Variants in LINGO2 observed in about 807,000 individuals in gnomAD.
LINGO2 encodes leucine rich repeat and Ig domain containing 2.
A neutral mutation model predicts 30.6 loss-of-function variants in LINGO2; 14 were observed. The observed-to-expected ratio is 0.46, with a 90% CI of 0.30 to 0.72. The LOEUF (loss-of-function observed/expected upper bound fraction) is 0.72, where lower values mean the gene tolerates loss of function less well. LINGO2 is among the 30% of genes least tolerant of loss of function. The pLI is 0.07. For missense variants in LINGO2, 729 were observed against 751.7 expected, an observed-to-expected ratio of 0.97 and a Z score of 0.35; for synonymous variants, 317 against 288.5, an observed-to-expected ratio of 1.10 and a Z score of -1.00.
At chr9:28,806,714 T>G in the LINGO2 span, among the ~76,000 whole-genome samples, 1 of 152,122 alleles carries the variant, frequency 6.6e-6, no homozygotes, top group South Asian at 2.1e-4. Context: ...GATCTATAAT[T>G]AAAACAATAT....
At chr9:28,021,572 A>G (rs914082585) in intron 4 of LINGO2, among the ~76,000 whole-genome samples, 3 of 152,192 alleles carry the variant, frequency 2.0e-5, no homozygotes, top group East Asian at 3.9e-4. Flanking sequence ...TGATTTACCA[A>G]TTATTGAAAG....
chr9:28,541,428 T>C (rs1821692918), intron 1 of LINGO2, among the ~76,000 whole-genome samples: 1 of 152,144 alleles, frequency 6.6e-6, no homozygotes, highest in South Asian at 2.1e-4. Flanking sequence ...AAAACAATTT[T>C]TAAGAACAAC....
At chr9:28,942,183 T>C in the LINGO2 span, among the ~76,000 whole-genome samples, 8 of 152,184 alleles carry the variant, frequency 5.3e-5, no homozygotes, top group Admixed American at 2.6e-4. Flanking sequence ...CAGACCATAA[T>C]TGGAATATCA....
chr9:29,072,596 A>C, the LINGO2 span, among the ~76,000 whole-genome samples: 1 of 129,918 alleles, frequency 7.7e-6, no homozygotes. Flanking sequence ...GGAGAGATAT[A>C]TATATGTCTC....
intron 4 of LINGO2, among the ~76,000 whole-genome samples, chr9:28,075,367 T>C (rs902886388): frequency 1.3e-5 from 2 of 152,000 alleles, no homozygotes; most frequent in African/African-American, 4.8e-5. Context: ...TTGATAGAAA[T>C]TTGTGTTACT....
At chr9:29,195,789 G>A in the LINGO2 span, among the ~76,000 whole-genome samples, 6 of 152,250 alleles carry the variant, frequency 3.9e-5, no homozygotes, top group East Asian at 1.2e-3. Context: ...ATATGCAAGA[G>A]AATATCAATT....
intron 1 of LINGO2, among the ~76,000 whole-genome samples, chr9:28,544,305 T>C (rs1821835661): frequency 6.6e-6 from 1 of 152,196 alleles, no homozygotes; most frequent in Non-Finnish European, 1.5e-5. Flanking sequence ...TTGCCAGTTC[T>C]GTAATCTGAG....
intron 1 of LINGO2, among the ~76,000 whole-genome samples, chr9:28,589,110 C>G (rs1167046990): frequency 6.6e-6 from 1 of 152,052 alleles, no homozygotes; most frequent in African/African-American, 2.4e-5. Flanking sequence ...ACCCTTCATG[C>G]TAAAAACTCT....
At chr9:28,811,523 T>A in the LINGO2 span, among the ~76,000 whole-genome samples, 3 of 152,166 alleles carry the variant, frequency 2.0e-5, no homozygotes, top group Admixed American at 2.0e-4. Flanking sequence ...CCCTGTATAA[T>A]AATCTGTTCC....
At chr9:29,188,964 C>A in the LINGO2 span, among the ~76,000 whole-genome samples, 1 of 129,278 alleles carries the variant, frequency 7.7e-6, no homozygotes, top group African/African-American at 2.9e-5. Context: ...GGGGGGCTGA[C>A]CCCCCCACCT....
At chr9:28,018,216 A>G (rs1027610288) in intron 4 of LINGO2, among the ~76,000 whole-genome samples, 3 of 152,160 alleles carry the variant, frequency 2.0e-5, no homozygotes, top group African/African-American at 7.2e-5. Context: ...CTCAAGATCA[A>G]TTAAAGACTT....
At chr9:29,154,710 T>C in the LINGO2 span, among the ~76,000 whole-genome samples, 1 of 152,172 alleles carries the variant, frequency 6.6e-6, no homozygotes, top group Admixed American at 6.5e-5. Context: ...TGCTATGGAA[T>C]CCAGGTACCA....
the LINGO2 span, among the ~76,000 whole-genome samples, chr9:28,847,698 T>C: frequency 5.7e-5 from 8 of 141,522 alleles, no homozygotes; most frequent in African/African-American, 1.9e-4. Flanking sequence ...ATCTACATAT[T>C]GACACACTGT....
the LINGO2 span, among the ~76,000 whole-genome samples, chr9:29,029,751 G>A: frequency 6.6e-6 from 1 of 152,088 alleles, no homozygotes; most frequent in Admixed American, 6.6e-5. Context: ...CCAGCAAGTG[G>A]ATTGGGGCAA....
the LINGO2 span, among the ~76,000 whole-genome samples, chr9:28,976,279 A>C: frequency 1.3e-5 from 2 of 152,152 alleles, no homozygotes; most frequent in Non-Finnish European, 2.9e-5. Flanking sequence ...AAGTAACAAC[A>C]TAGAACCCTA....
At chr9:28,481,439 A>C (rs1825959309) in intron 1 of LINGO2, among the ~76,000 whole-genome samples, 1 of 151,834 alleles carries the variant, frequency 6.6e-6, no homozygotes, top group Admixed American at 6.6e-5. Flanking sequence ...TAAATACTTT[A>C]TTTTCCTTTC....
chr9:28,249,733 C>A (rs1822128039), intron 4 of LINGO2, among the ~76,000 whole-genome samples: 1 of 152,090 alleles, frequency 6.6e-6, no homozygotes, highest in Non-Finnish European at 1.5e-5. Flanking sequence ...TTACTGTTCT[C>A]ATTAAAGGAA....
chr9:28,969,260 C>T, the LINGO2 span, among the ~76,000 whole-genome samples: 1 of 151,950 alleles, frequency 6.6e-6, no homozygotes, highest in African/African-American at 2.4e-5. Context: ...CAGCACATCC[C>T]TTATTGAAAA....
the LINGO2 span, among the ~76,000 whole-genome samples, chr9:29,147,958 T>C: frequency 1.3e-5 from 2 of 152,102 alleles, no homozygotes; most frequent in Admixed American, 6.5e-5. Context: ...CTAAATATTA[T>C]GTATAGCGAT....
Sources: gnomAD v4.1 joint callset for allele counts (sites outside exome capture counted in the v4.1 genomes callset) on GRCh38, gnomAD v4.1.1 for gene constraint, MANE v1.5 for transcripts, NCBI Gene and HGNC (gene_info 2026-07-23, HGNC 2026-07-21) for gene names.